The following SOAT2 variants were observed in gnomAD, a reference collection of about 807,000 sequenced individuals.
SOAT2 encodes sterol O-acyltransferase 2, also known as ACAT-2.
In SOAT2, 87 loss-of-function variants were observed where a neutral mutation model predicts 76.0. The ratio of observed to expected loss-of-function variants is 1.14; its 90% CI spans 0.96 to 1.37. The LOEUF is 1.37. SOAT2 is among the 40% of genes most tolerant of loss of function. The pLI is 0.00. For synonymous variants in SOAT2, 285 were observed against 275.4 expected (o/e 1.03, Z -0.34); for missense variants, 686 against 682.1 (o/e 1.01, Z -0.06).
chr12:53,122,186 G>A (rs192737207), intron 12 of SOAT2, among the ~76,000 whole-genome samples: 1 of 146,226 alleles, frequency 6.8e-6, no homozygotes, highest in Admixed American at 6.9e-5. Context: ...ACTCCCCCTG[G>A]CTTCCTTAAG....
In SOAT2 at chr12:53,121,365, C is replaced by T. The variant is rs974122760; in HGVS notation, c.1200C>T (p.Asp400=). Reference sequence around the variant, plus strand: ...GCACTTGGAACGTGGTGGTCCATGACTGGCTGTACAGCTACGTGTATCAGG... The same window carrying T: ...GCACTTGGAACGTGGTGGTCCATGATTGGCTGTACAGCTACGTGTATCAGG... ...YYRTWNVVVH[D]WLYSYVYQDG... Residue 400 remains aspartate (D), a synonymous_variant, in exon 12 of 15, where the codon GAC becomes GAT. Transcript: ENST00000301466. The T allele has an allele frequency of 3.7e-6, 6 of 1,614,060 alleles. No homozygotes were observed. The African/African-American group carries it at 8.0e-5, about 22-fold the overall frequency.
chr12:53,103,735 G>C (rs987677884), intron 1 of SOAT2, 76 bp downstream of exon 1: 206 of 1,139,756 alleles, frequency 1.8e-4, no homozygotes, highest in Middle Eastern at 5.1e-4. Flanking sequence ...TGGAGAGAAG[G>C]CTCCAACTGC....
chr12:53,116,065 G>A, intron 6 of SOAT2, 32 bp from the exon 7 acceptor site: 1 of 1,599,242 alleles, frequency 6.3e-7, no homozygotes. Context: ...AAGCCACACA[G>A]CAACTTTTCC....
chr12:53,116,285 C>CA, intron 7 of SOAT2, 119 bp downstream of exon 7: 1 of 842,422 alleles, frequency 1.2e-6, no homozygotes, highest in Non-Finnish European at 1.9e-6. Flanking sequence ...GCCCACCAGG[C>CA]ACAGCCCTGG....
intron 2 of SOAT2, 65 bp downstream of exon 2, chr12:53,104,271 G>A (rs1171251243): frequency 1.7e-6 from 2 of 1,163,020 alleles, no homozygotes; most frequent in Non-Finnish European, 1.3e-6. Context: ...CAGGAGTGAG[G>A]CTTGGTGATA....
chr12:53,110,538 A>G (rs111678810), intron 5 of SOAT2, among the ~76,000 whole-genome samples: 63 of 152,320 alleles, frequency 4.1e-4, no homozygotes, highest in African/African-American at 1.5e-3. Context: ...TGTCCTAAAC[A>G]TGTTTCTCTT....
chr12:53,104,552 G>C (rs112191896), intron 2 of SOAT2, among the ~76,000 whole-genome samples: 1 of 152,116 alleles, frequency 6.6e-6, no homozygotes, highest in Non-Finnish European at 1.5e-5. Context: ...GGGATTACAG[G>C]TGTGAGCCAC....
rs1394184008 is a variant in SOAT2, at chr12:53,119,382, C to T, written c.1039+129C>T. 4 of 971,918 alleles carry T rather than the reference C, an allele frequency of 4.1e-6. No individual in the cohort carries two copies. The African/African-American group carries it at 4.9e-5, about 12-fold the overall frequency. 60.2% of individuals were successfully genotyped at this position (971,918 alleles called of 1,614,324 possible). On this transcript the variant is annotated intron_variant, in intron 10 of 14. Transcript: ENST00000301466. ...GAGTCTCTCCTCACATCTGTCCCCT[C>T]CTATCAGGGCCATTGCCATGGTCTC...
Position 53,118,440 on chromosome 12 carries a change from A to T in SOAT2, c.863+6A>T. 1.2e-6 allele frequency: 2 copies of T among 1,601,612 alleles called. No homozygotes were observed. Among genetic ancestry groups the T allele is most frequent in the Non-Finnish European group, 1.7e-6 (2 of 1,169,000 alleles). On this transcript the variant is annotated splice_donor_region_variant and intron_variant, in intron 8 of 14. Transcript: ENST00000301466. ...TACAGGGAGACTTACCCTAGGTAAG[A>T]CCCTGCACTCCTTCCCCAAATGCCC...
chr12:53,117,914 C>A (rs537521949), intron 7 of SOAT2, among the ~76,000 whole-genome samples: 7 of 152,102 alleles, frequency 4.6e-5, no homozygotes, highest in Admixed American at 2.6e-4. Flanking sequence ...GAGCACTTGC[C>A]GTTGGAAAAA....
rs754856369 is a variant in SOAT2, at chr12:53,118,380, G to A, written c.809G>A (p.Ser270Asn). The A allele has an allele frequency of 5.0e-6, 8 of 1,613,354 alleles. No individual in the cohort carries two copies. The Admixed American group carries it at 1.0e-4, about 20-fold the overall frequency. ...GGGATCCAGGCCCCCAGTTTCTCCA[G>A]CTACCTCTACTTCCTCTTCTGCCCA... ...GEGIQAPSFS[S>N]YLYFLFCPTL... is the part of the protein sequence containing the mutation. The change falls in exon 8 of 15, where the codon AGC becomes AAC. Residue 270 changes from serine (S) to asparagine (N), a missense_variant. Transcript: ENST00000301466.
chr12:53,111,112 A>ATTTTTT lies in SOAT2; in HGVS notation c.444-4272_444-4267dup, dbSNP rs1015051525. On this transcript the variant is annotated intron_variant, in intron 5 of 14. Coordinates refer to ENST00000301466, the MANE Select transcript of SOAT2 (RefSeq NM_003578.4). The stretch of plus-strand genomic sequence containing the variant: ...TTATTTATTTTAATCATTTGCCTAC[A>ATTTTTT]TTTTTTTTTTTGAGATGGAGTCTCA... Among the ~76,000 whole-genome samples, 245 of 143,308 alleles carry ATTTTTT rather than the reference A, an allele frequency of 1.7e-3. 4 individuals carry two copies. Among genetic ancestry groups the ATTTTTT allele is most frequent in the Middle Eastern group, 0.011 (3 of 284 alleles). 94.0% of individuals were successfully genotyped at this position (143,308 alleles called of 152,430 possible). A position where few individuals can be genotyped will look rare whatever the true frequency, so the allele number is the denominator to read the frequency against.
chr12:53,105,146 C>T lies in SOAT2; in HGVS notation c.178C>T (p.Leu60=), dbSNP rs1937911489. 1.3e-6 allele frequency: 2 copies of T among 1,572,386 alleles called. No homozygotes were observed. Among genetic ancestry groups the T allele is most frequent in the Non-Finnish European group, 1.7e-6 (2 of 1,158,734 alleles). Residue 60 remains leucine (L), a synonymous_variant, in exon 3 of 15, where the codon CTG becomes TTG. Coordinates refer to ENST00000301466, the MANE Select transcript of SOAT2 (RefSeq NM_003578.4). ...ATTGCTGGAGCAAGCGCAGGGACAA[C>T]TGAGGGAGCTGCTGGATCGGGCCAT... The part of the protein sequence containing the change: ...AQLLEQAQGQ[L]RELLDRAMRE...
chr12:53,122,987 C>A, intron 12 of SOAT2, 94 bp from the exon 13 acceptor site: 1 of 1,361,354 alleles, frequency 7.3e-7, no homozygotes, highest in South Asian at 1.6e-5. Context: ...CCCTGCCGGA[C>A]TGGGCGGCTG....
At chr12:53,120,423 C>T (rs1016122988) in intron 10 of SOAT2, among the ~76,000 whole-genome samples, 2 of 151,874 alleles carry the variant, frequency 1.3e-5, no homozygotes, top group South Asian at 4.2e-4. Flanking sequence ...GAGCTGAGAT[C>T]GTGCCACTGC....
intron 5 of SOAT2, among the ~76,000 whole-genome samples, chr12:53,106,492 C>A (rs1409008666): frequency 6.6e-6 from 1 of 152,226 alleles, no homozygotes; most frequent in Non-Finnish European, 1.5e-5. Context: ...CCACAGAGCA[C>A]CCCATCCAAC....
At chr12:53,110,934 ATTAG>A (rs1163321261) in intron 5 of SOAT2, among the ~76,000 whole-genome samples, 4 of 152,152 alleles carry the variant, frequency 2.6e-5, no homozygotes. Context: ...TTAGACAAAA[ATTAG>A]TTACTCTTTA....
At position 53,105,998 on chromosome 12, in the gene SOAT2, T is replaced by A; in HGVS notation, c.427T>A (p.Phe143Ile). ...VFIISTLAID[F>I]IDEGRLLLEF... is the part of the protein sequence containing the mutation. ...CATCATCAGCACCCTGGCCATCGACTTCATTGATGAGGGCAGGTAGGTCCC... is the reference window on the plus strand; with the variant it reads ...CATCATCAGCACCCTGGCCATCGACATCATTGATGAGGGCAGGTAGGTCCC... Residue 143 changes from phenylalanine (F) to isoleucine (I), a missense_variant, in exon 5 of 15, where the codon TTC becomes ATC. Physicochemically the swap from Phe to Ile is conservative, Grantham distance 21. Transcript: ENST00000301466. The A allele has an allele frequency of 6.2e-7, 1 of 1,613,468 alleles. No homozygotes were observed. The highest frequency in any genetic ancestry group is 1.1e-5 in the South Asian group (1 of 91,072).
Position 53,123,198 on chromosome 12 carries a change from C to T in SOAT2, c.1354C>T (p.Leu452Phe), listed in dbSNP as rs765131461. 10 of 1,613,914 alleles carry T rather than the reference C, an allele frequency of 6.2e-6. No homozygotes were observed. In the East Asian group the frequency reaches 1.8e-4, roughly 29 times the overall value. Residue 452 changes from leucine (L) to phenylalanine (F), a missense_variant, in exon 13 of 15, where the codon CTC becomes TTC. By Grantham distance (22) the Leu-to-Phe change is conservative (BLOSUM62 0). Transcript: ENST00000301466. ...GTTCTTCTATCCCGTCATGCTGATA[C>T]TCTTCCTTGTCATTGGAGGTGAGCT... ...LGFFYPVMLI[L>F]FLVIGGMLNF...
Sources: gnomAD v4.1 joint callset for allele counts (sites outside exome capture counted in the v4.1 genomes callset) on GRCh38, gnomAD v4.1.1 for gene constraint, MANE v1.5 for transcripts, NCBI Gene and HGNC (gene_info 2026-07-23, HGNC 2026-07-21) for gene names.